MAP3K9: variants seen among roughly 807,000 people sequenced by gnomAD.
MAP3K9 encodes the protein mixed lineage kinase 1 (tyr and ser/thr specificity).
MAP3K9 carries 46 observed loss-of-function variants against 95.8 expected under a neutral mutation model. The observed-to-expected ratio is 0.48, with a 90% CI of 0.38 to 0.61. The LOEUF is 0.61. MAP3K9 is among the 20% of genes least tolerant of loss of function. The pLI, the probability that MAP3K9 is intolerant of heterozygous loss-of-function variation, is 0.00. For missense variants in MAP3K9, 1,296 were observed against 1,474.3 expected, an observed-to-expected ratio of 0.88 and a Z score of 1.98; for synonymous variants, 533 against 593.8, an observed-to-expected ratio of 0.90 and a Z score of 1.49.
Position 70,729,989 on chromosome 14 carries a change from G to C in MAP3K9, c.*391C>G, listed in dbSNP as rs976166823. On this transcript the variant is annotated 3_prime_UTR_variant, in exon 12 of 12. Coordinates refer to ENST00000554752, the MANE Select transcript of MAP3K9 (RefSeq NM_001284230.2). ...CACTGGTGTTTGGGAAGCTGAACTC[G>C]GGGCTGACAAAGGGACCCTATGACA... The C allele has an allele frequency of 5.3e-6, 1 of 187,100 alleles. No homozygotes were observed. Among genetic ancestry groups the C allele is most frequent in the Non-Finnish European group, 1.1e-5 (1 of 90,288 alleles). 11.6% of individuals were successfully genotyped at this position (187,100 alleles called of 1,614,324 possible).
chr14:70,769,401 A>T (rs2054501240), intron 2 of MAP3K9, among the ~76,000 whole-genome samples: 1 of 152,176 alleles, frequency 6.6e-6, no homozygotes, highest in Non-Finnish European at 1.5e-5. Context: ...TGATTTTACC[A>T]GCTATGTACA....
Position 70,740,140 on chromosome 14 carries a change from T to C in MAP3K9, c.1592A>G (p.Gln531Arg). ...PSDFQHKFTVQASPTMDKRKS... is the reference protein window; with the variant it reads ...PSDFQHKFTVRASPTMDKRKS... ...CCTTTTATCCATGGTAGGGGAGGCCTGCACCGTGAACTTGTGCTGGAAATC... is the reference window on the plus strand; with the variant it reads ...CCTTTTATCCATGGTAGGGGAGGCCCGCACCGTGAACTTGTGCTGGAAATC... Residue 531 changes from glutamine to arginine, a missense_variant, in exon 7 of 12, where the codon CAG becomes CGG. Physicochemically the swap from Gln to Arg is conservative, Grantham distance 43. Transcript: ENST00000554752. The C allele has an allele frequency of 6.2e-7, 1 of 1,613,908 alleles. No homozygotes were observed. The highest frequency in any genetic ancestry group is 8.5e-7 in the Non-Finnish European group (1 of 1,179,798).
At chr14:70,781,217 C>A (rs1259494302) in intron 2 of MAP3K9, among the ~76,000 whole-genome samples, 1 of 152,242 alleles carries the variant, frequency 6.6e-6, no homozygotes, top group Non-Finnish European at 1.5e-5. Flanking sequence ...TTCACTGGAA[C>A]ACTTGGGTCT....
chr14:70,770,640 G>T (rs1353592942), intron 2 of MAP3K9, among the ~76,000 whole-genome samples: 1 of 152,218 alleles, frequency 6.6e-6, no homozygotes, highest in Admixed American at 6.5e-5. Context: ...GCCAAGAGCA[G>T]ATACAATCTG....
intron 5 of MAP3K9, among the ~76,000 whole-genome samples, chr14:70,747,186 C>T (rs2054159075): frequency 6.6e-6 from 1 of 152,210 alleles, no homozygotes. Context: ...TTGACTGTAT[C>T]TTCACCTAAA....
In MAP3K9 at chr14:70,725,775, A is replaced by AC. The variant is rs1477852921; in HGVS notation, c.*4604dup. On this transcript the variant is annotated 3_prime_UTR_variant, in exon 12 of 12. Coordinates refer to ENST00000554752, the MANE Select transcript of MAP3K9 (RefSeq NM_001284230.2). Reference sequence around the variant, plus strand: ...GAGAGAGGCAGGTACATTAGGGTGAACCATATGAAATAGCTGATATTCGAC... The same window carrying AC: ...GAGAGAGGCAGGTACATTAGGGTGAACCCATATGAAATAGCTGATATTCGAC... The AC allele has an allele frequency of 6.6e-6, 1 of 152,180 alleles. No homozygotes were observed. Among genetic ancestry groups the AC allele is most frequent in the Non-Finnish European group, 1.5e-5 (1 of 68,026 alleles). 9.4% of individuals were successfully genotyped at this position (152,180 alleles called of 1,614,324 possible). A position where few individuals can be genotyped will look rare whatever the true frequency, so the allele number is the denominator to read the frequency against.
chr14:70,773,683 C>T (rs2054558904), intron 2 of MAP3K9, among the ~76,000 whole-genome samples: 1 of 152,158 alleles, frequency 6.6e-6, no homozygotes, highest in Admixed American at 6.5e-5. Context: ...ATACACTGTG[C>T]TATCTGGAAA....
intron 5 of MAP3K9, among the ~76,000 whole-genome samples, chr14:70,745,545 C>T (rs2054134400): frequency 6.6e-6 from 1 of 152,086 alleles, no homozygotes; most frequent in South Asian, 2.1e-4. Context: ...TGAGACCAGC[C>T]TGGCCATGAT....
rs1478522615 is a variant in MAP3K9 at position 70,747,181 on chromosome 14, TG to T, written c.1326+1647del. 7.2e-5 allele frequency among the ~76,000 whole-genome samples: 11 copies of T among 152,366 alleles called. No individual in the cohort carries two copies. In the East Asian group the frequency reaches 2.1e-3, roughly 29 times the overall value. On this transcript the variant is annotated intron_variant, in intron 5 of 11. Transcript: ENST00000554752. Reference sequence around the variant, plus strand: ...AAAATGACACTTGATATGGTTTGACTGTATCTTCACCTAAATCTCATCTTGA... The same window carrying T: ...AAAATGACACTTGATATGGTTTGACTTATCTTCACCTAAATCTCATCTTGA...
At chr14:70,745,853 A>C (rs1321392384) in intron 5 of MAP3K9, among the ~76,000 whole-genome samples, 1 of 152,210 alleles carries the variant, frequency 6.6e-6, no homozygotes, top group Non-Finnish European at 1.5e-5. Flanking sequence ...TCAATAAATG[A>C]ATGAAGAGAA....
rs2053854311 is a variant in MAP3K9 at position 70,728,777 on chromosome 14, C to T, written c.*1603G>A. On this transcript the variant is annotated 3_prime_UTR_variant, in exon 12 of 12. Transcript: ENST00000554752. ...AGAAAGAGCAGTGACCAATTCATCA[C>T]TGTTGCCAGCTGCACATCCAGGCAG... is the stretch of plus-strand genomic sequence containing the variant. 1 of 152,264 alleles carries T rather than the reference C, an allele frequency of 6.6e-6. No individual in the cohort carries two copies. The highest frequency in any genetic ancestry group is 2.4e-5 in the African/African-American group (1 of 41,458). 9.4% of individuals were successfully genotyped at this position (152,264 alleles called of 1,614,324 possible). A position where few individuals can be genotyped will look rare whatever the true frequency, so the allele number is the denominator to read the frequency against.
intron 2 of MAP3K9, among the ~76,000 whole-genome samples, chr14:70,789,124 G>C (rs1260544726): frequency 1.3e-5 from 2 of 152,224 alleles, no homozygotes; most frequent in African/African-American, 4.8e-5. Context: ...ACAGGACGAG[G>C]CTGCATTTTT....
rs943783045 is a variant in MAP3K9, at chr14:70,729,260, C to T, written c.*1120G>A. On this transcript the variant is annotated 3_prime_UTR_variant, in exon 12 of 12. Coordinates refer to ENST00000554752, the MANE Select transcript of MAP3K9 (RefSeq NM_001284230.2). ...GCTCCATTTTACTTCAAGGGCATCACAACATGGATGGCCCAGTTGAGAGTG... is the reference window on the plus strand; with the variant it reads ...GCTCCATTTTACTTCAAGGGCATCATAACATGGATGGCCCAGTTGAGAGTG... 1.3e-5 allele frequency: 2 copies of T among 152,250 alleles called. No homozygotes were observed. Among genetic ancestry groups the T allele is most frequent in the African/African-American group, 4.8e-5 (2 of 41,458 alleles). The allele number at this position is 152,250 out of a possible 1,614,324, so 9.4% of individuals were successfully genotyped here. A position where few individuals can be genotyped will look rare whatever the true frequency, so the allele number is the denominator to read the frequency against.
chr14:70,733,767 G>A (rs541965205), intron 10 of MAP3K9: 6 of 718,464 alleles, frequency 8.4e-6, no homozygotes, highest in South Asian at 3.0e-5. Flanking sequence ...CTTCAATGTC[G>A]ATGGGCACCA....
rs528047540 is a variant in MAP3K9, at chr14:70,730,958, C to T, written c.2831-94G>A. 1.2e-4 allele frequency: 160 copies of T among 1,318,880 alleles called. No homozygotes were observed. The Admixed American group carries it at 1.8e-3, about 15-fold the overall frequency. 81.7% of individuals were successfully genotyped at this position (1,318,880 alleles called of 1,614,324 possible). A position where few individuals can be genotyped will look rare whatever the true frequency, so the allele number is the denominator to read the frequency against. On this transcript the variant is annotated intron_variant, in intron 11 of 11. Coordinates refer to ENST00000554752, the MANE Select transcript of MAP3K9 (RefSeq NM_001284230.2). ...CCCCCCCAACACCACCATATCCCTA[C>T]GCAATCAGGAGAACATGAATCACCA...
intron 6 of MAP3K9, 53 bp from the exon 7 acceptor site, chr14:70,740,217 T>C (rs879156790): frequency 1.9e-6 from 3 of 1,569,736 alleles, no homozygotes; most frequent in Non-Finnish European, 2.6e-6. Context: ...CATAATTAAA[T>C]TCATATAAGA....
At position 70,742,495 on chromosome 14, in the gene MAP3K9, G is replaced by A. The variant is rs1297774580; in HGVS notation, c.1423C>T (p.Arg475Trp). 7 of 1,614,180 alleles carry A rather than the reference G, an allele frequency of 4.3e-6. No homozygotes were observed. Among genetic ancestry groups the A allele is most frequent in the Non-Finnish European group, 5.9e-6 (7 of 1,180,032 alleles). Residue 475 changes from arginine (R) to tryptophan (W), a missense_variant, in exon 6 of 12, where the codon CGG becomes TGG. Arg to Trp is a moderately radical substitution (Grantham distance 101). This residue lies in a region of MAP3K9 where 377 missense variants were observed against 417.1 expected (regional missense o/e 0.90). Transcript: ENST00000554752. ...LRRREQELAE[R>W]EIDILERELN... ...TCCCGTTCCAGGATGTCAATCTCCCGCTCGGCCAGCTCCTGCTCCCGACGC... is the reference window on the plus strand; with the variant it reads ...TCCCGTTCCAGGATGTCAATCTCCCACTCGGCCAGCTCCTGCTCCCGACGC...
In MAP3K9 at chr14:70,809,090, C is replaced by G. The variant is rs766214214; in HGVS notation, c.82G>C (p.Gly28Arg). 15 of 1,424,466 alleles carry G rather than the reference C, an allele frequency of 1.1e-5. No homozygotes were observed. The highest frequency in any genetic ancestry group is 2.8e-5 in the Admixed American group (1 of 35,164). 88.2% of individuals were successfully genotyped at this position (1,424,466 alleles called of 1,614,324 possible). A position where few individuals can be genotyped will look rare whatever the true frequency, so the allele number is the denominator to read the frequency against. Residue 28 changes from glycine (G) to arginine (R), a missense_variant, in exon 1 of 12, where the codon GGG (glycine) becomes CGG (arginine). Gly to Arg is a moderately radical substitution (Grantham distance 125). Around this residue, in one of 5 missense-constraint regions of MAP3K9, gnomAD observed 338 missense variants for 363.4 expected, o/e 0.93. Transcript: ENST00000554752. ...TCCTCCTCCTCCTCCTCCTCGGCCC[C>G]GGCCCCTGCTCCATCCTCCCCCGGC... Reference protein sequence around the residue: ...APPGEDGAGAGAEEEEEEEEE... With the variant: ...APPGEDGAGARAEEEEEEEEE...
Position 70,808,699 on chromosome 14 carries a change from C to T in MAP3K9, c.406+67G>A, listed in dbSNP as rs1273389558. ...ATCCCAGCCCTCGCGCAGTGCTCCCCCCTTCCCCGACCGCCCCCCAGGCCT... is the reference window on the plus strand; with the variant it reads ...ATCCCAGCCCTCGCGCAGTGCTCCCTCCTTCCCCGACCGCCCCCCAGGCCT... On this transcript the variant is annotated intron_variant, in intron 1 of 11. Coordinates refer to ENST00000554752, the MANE Select transcript of MAP3K9 (RefSeq NM_001284230.2). The T allele has an allele frequency of 1.7e-5, 12 of 711,912 alleles. No homozygotes were observed. In the South Asian group the frequency reaches 2.3e-4, roughly 14 times the overall value. 44.1% of individuals were successfully genotyped at this position (711,912 alleles called of 1,614,324 possible).
Sources: allele counts gnomAD v4.1 joint callset (sites outside exome capture counted in the v4.1 genomes callset), GRCh38; gene constraint gnomAD v4.1.1; regional missense constraint gnomAD v4.1.1; transcripts MANE v1.5; gene names NCBI Gene and HGNC (gene_info 2026-07-23, HGNC 2026-07-21).